The following HDAC9 variants were observed in gnomAD, a reference collection of about 807,000 sequenced individuals.
HDAC9 encodes MEF-2 interacting transcription repressor (MITR) protein.
HDAC9 carries 41 observed loss-of-function variants against 139.4 expected under a neutral mutation model. The observed-to-expected ratio is 0.29, with a 90% CI of 0.23 to 0.38. The LOEUF (loss-of-function observed/expected upper bound fraction) is 0.38, where lower values mean the gene tolerates loss of function less well. Among genes scored for constraint, HDAC9 ranks in the 10% least tolerant of loss-of-function variants. HDAC9 has a pLI of 1.00. For synonymous variants in HDAC9, 517 were observed against 476.2 expected (o/e 1.09, Z -1.12); for missense variants, 1,147 against 1,297.0 (o/e 0.88, Z 1.78).
At chr7:18,117,000 A>G (rs898780991) in intron 1 of HDAC9, among the ~76,000 whole-genome samples, 1 of 152,164 alleles carries the variant, frequency 6.6e-6, no homozygotes, top group Non-Finnish European at 1.5e-5. Context: ...CATTAGCCTG[A>G]ATAACATTTC....
chr7:18,873,460 GT>G (rs1272832832), intron 21 of HDAC9, among the ~76,000 whole-genome samples: 2 of 152,060 alleles, frequency 1.3e-5, no homozygotes, highest in East Asian at 3.9e-4. Context: ...ACAACTTCTT[GT>G]TTATGATATG....
At chr7:18,301,529 CATA>C (rs1798538514) in intron 1 of HDAC9, among the ~76,000 whole-genome samples, 2 of 152,082 alleles carry the variant, frequency 1.3e-5, no homozygotes, top group Admixed American at 1.3e-4. Context: ...TAGTAGATAG[CATA>C]ATACTTTCTT....
At chr7:18,613,575 A>G (rs1377022926) in intron 6 of HDAC9, among the ~76,000 whole-genome samples, 2 of 152,152 alleles carry the variant, frequency 1.3e-5, no homozygotes, top group Non-Finnish European at 2.9e-5. Flanking sequence ...ATTCATTGAA[A>G]TTTACTACTA....
At chr7:18,341,537 A>G (rs1168809081) in intron 1 of HDAC9, among the ~76,000 whole-genome samples, 2 of 151,590 alleles carry the variant, frequency 1.3e-5, no homozygotes, top group South Asian at 2.1e-4. Context: ...AGTCTCATCC[A>G]AAGTGTTTTT....
intron 2 of HDAC9, among the ~76,000 whole-genome samples, chr7:18,514,264 A>T (rs1802489403): frequency 6.6e-6 from 1 of 152,242 alleles, no homozygotes; most frequent in Non-Finnish European, 1.5e-5. Context: ...AAAGAAATAG[A>T]TGGAAAATTT....
chr7:18,129,098 A>G (rs1405369394), intron 1 of HDAC9, among the ~76,000 whole-genome samples: 1 of 152,106 alleles, frequency 6.6e-6, no homozygotes, highest in Non-Finnish European at 1.5e-5. Context: ...AAGCAAGGAG[A>G]CTGGGATTTG....
intron 1 of HDAC9, among the ~76,000 whole-genome samples, chr7:18,451,455 A>G (rs1421012420): frequency 1.3e-5 from 2 of 150,696 alleles, no homozygotes; most frequent in South Asian, 2.1e-4. Context: ...GTGTATATGT[A>G]TATATATATG....
chr7:18,277,827 T>G (rs974088033), intron 2 of HDAC9, among the ~76,000 whole-genome samples: 2 of 152,266 alleles, frequency 1.3e-5, no homozygotes, highest in Non-Finnish European at 2.9e-5. Flanking sequence ...TTTGTAGTTA[T>G]AGGTAATTAA....
intron 17 of HDAC9, among the ~76,000 whole-genome samples, chr7:18,821,778 TG>T (rs1159635709): frequency 2.0e-5 from 3 of 152,232 alleles, no homozygotes; most frequent in Non-Finnish European, 4.4e-5. Context: ...AGATGCTGGT[TG>T]CATGTCCAGG....
At chr7:18,854,605 A>C (rs1208814961) in intron 21 of HDAC9, among the ~76,000 whole-genome samples, 1 of 151,976 alleles carries the variant, frequency 6.6e-6, no homozygotes, top group African/African-American at 2.4e-5. Context: ...CTGTAAGAGA[A>C]AGAAACAAAG....
chr7:18,661,757 C>T (rs534027531), intron 11 of HDAC9, among the ~76,000 whole-genome samples: 1 of 152,222 alleles, frequency 6.6e-6, no homozygotes, highest in African/African-American at 2.4e-5. Flanking sequence ...AAGATCACAA[C>T]GTTATTTATT....
chr7:18,929,720 G>A (rs1030356657), intron 22 of HDAC9, among the ~76,000 whole-genome samples: 1 of 152,076 alleles, frequency 6.6e-6, no homozygotes, highest in Admixed American at 6.6e-5. Context: ...GGTGGATCAC[G>A]AGGTCAAGAG....
chr7:18,400,276 G>A (rs539147519), intron 1 of HDAC9, among the ~76,000 whole-genome samples: 1 of 152,204 alleles, frequency 6.6e-6, no homozygotes, highest in African/African-American at 2.4e-5. Context: ...CGATGTGTAG[G>A]TGTGAGAGAG....
intron 25 of HDAC9, among the ~76,000 whole-genome samples, chr7:18,991,138 C>G (rs999617306): frequency 4.6e-5 from 7 of 152,076 alleles, no homozygotes; most frequent in Non-Finnish European, 1.0e-4. Flanking sequence ...GTAAAGAGCA[C>G]TGAAATCATT....
At chr7:18,974,245 G>GT (rs1408402725) in intron 24 of HDAC9, among the ~76,000 whole-genome samples, 1 of 152,162 alleles carries the variant, frequency 6.6e-6, no homozygotes, top group African/African-American at 2.4e-5. Flanking sequence ...CAACTATTAG[G>GT]TTTTTAGGAG....
At chr7:18,839,544 T>C (rs1284533188) in intron 21 of HDAC9, among the ~76,000 whole-genome samples, 1 of 152,030 alleles carries the variant, frequency 6.6e-6, no homozygotes, top group Non-Finnish European at 1.5e-5. Flanking sequence ...AATGAATGAA[T>C]GAATGAATCA....
intron 1 of HDAC9, among the ~76,000 whole-genome samples, chr7:18,347,011 T>G (rs1338043398): frequency 6.6e-6 from 1 of 152,174 alleles, no homozygotes; most frequent in African/African-American, 2.4e-5. Flanking sequence ...ATGCATCAAT[T>G]TCTTTATATT....
At chr7:18,175,959 G>C (rs1045406275) in intron 2 of HDAC9, among the ~76,000 whole-genome samples, 84 of 152,120 alleles carry the variant, frequency 5.5e-4, no homozygotes, top group African/African-American at 2.0e-3. Context: ...GGGTGAGCTG[G>C]GGATTTTTCC....
intron 2 of HDAC9, among the ~76,000 whole-genome samples, chr7:18,525,710 C>G (rs1806628886): frequency 6.6e-6 from 1 of 152,076 alleles, no homozygotes; most frequent in Non-Finnish European, 1.5e-5. Flanking sequence ...GAAATGGGAC[C>G]TCTCTTTGAG....
Sources: allele counts gnomAD v4.1 joint callset (sites outside exome capture counted in the v4.1 genomes callset), GRCh38; gene constraint gnomAD v4.1.1; transcripts MANE v1.5; gene names NCBI Gene and HGNC (gene_info 2026-07-23, HGNC 2026-07-21).